The following RORA variants were observed in gnomAD, a reference collection of about 807,000 sequenced individuals.
RORA encodes RAR related orphan receptor A, also known as nuclear receptor ROR-alpha.
RORA carries 7 observed loss-of-function variants against 69.5 expected under a neutral mutation model. That is an observed-to-expected ratio of 0.10 (90% CI 0.06 to 0.19). The LOEUF (loss-of-function observed/expected upper bound fraction) is 0.19. Among genes scored for constraint, RORA ranks in the 10% least tolerant of loss-of-function variants. The probability of loss-of-function intolerance (pLI) is 1.00; values close to 1 mark genes in which losing one functional copy is unlikely to be tolerated. For synonymous variants in RORA, 261 were observed against 240.8 expected (o/e 1.08, Z -0.78); for missense variants, 457 against 663.0 (o/e 0.69, Z 3.41).
intron 1 of RORA, among the ~76,000 whole-genome samples, chr15:60,689,141 A>C (rs2070787075): frequency 6.6e-6 from 1 of 152,196 alleles, no homozygotes; most frequent in Admixed American, 6.5e-5. Context: ...CCTCAGTTTC[A>C]ATATCTGTAG....
chr15:60,728,383 A>G (rs1162904184), intron 1 of RORA, among the ~76,000 whole-genome samples: 1 of 152,164 alleles, frequency 6.6e-6, no homozygotes, highest in African/African-American at 2.4e-5. Flanking sequence ...ACAGGATAGG[A>G]ATTATATTGA....
chr15:61,182,765 C>T (rs750520637), intron 1 of RORA, among the ~76,000 whole-genome samples: 1 of 152,214 alleles, frequency 6.6e-6, no homozygotes, highest in Non-Finnish European at 1.5e-5. Context: ...AGAAATGGGA[C>T]AGCTCGATGG....
intron 2 of RORA, among the ~76,000 whole-genome samples, chr15:60,590,207 C>A (rs1032756126): frequency 2.6e-5 from 4 of 151,294 alleles, no homozygotes; most frequent in African/African-American, 7.3e-5. Flanking sequence ...CTCTTTCAGG[C>A]AGCTGAGTTT....
intron 2 of RORA, among the ~76,000 whole-genome samples, chr15:60,648,570 A>G (rs2070093463): frequency 6.6e-6 from 1 of 152,234 alleles, no homozygotes. Flanking sequence ...TAATCACAAC[A>G]CATGAGAGCA....
chr15:60,983,510 C>A (rs575170231), intron 1 of RORA, among the ~76,000 whole-genome samples: 1 of 152,244 alleles, frequency 6.6e-6, no homozygotes, highest in South Asian at 2.1e-4. Flanking sequence ...AGTCTGGCAC[C>A]TTTTAAGGTC....
At chr15:60,921,268 A>G (rs1198311238) in intron 1 of RORA, among the ~76,000 whole-genome samples, 1 of 152,188 alleles carries the variant, frequency 6.6e-6, no homozygotes, top group Non-Finnish European at 1.5e-5. Context: ...AAACCCCAAA[A>G]TGGAAATACC....
chr15:60,613,696 CTGTGTGTG>C (rs66616801), intron 2 of RORA, among the ~76,000 whole-genome samples: 1,770 of 125,326 alleles, frequency 0.014, 18 homozygotes, highest in Middle Eastern at 0.029. Context: ...AATTTGATAT[CTGTGTGTG>C]TGTGTGTGTG....
rs750731557 is a variant in RORA at position 61,104,994 on chromosome 15, CG to C, written c.166+124058del. Among the ~76,000 whole-genome samples the C allele has an allele frequency of 1.1e-3, 125 of 112,344 alleles. 2 individuals carry two copies. The highest frequency in any genetic ancestry group is 4.0e-3 in the South Asian group (13 of 3,290). The allele number at this position is 112,344 out of a possible 152,430, so 73.7% of individuals were successfully genotyped here. A position where few individuals can be genotyped will look rare whatever the true frequency, so the allele number is the denominator to read the frequency against. ...TTCGTTTTCTGCCATGATCATGAGG[CG>C]CCCCCCCCACCGCCCAGCCACGTGG... On this transcript the variant is annotated intron_variant, in intron 1 of 10. Transcript: ENST00000335670.
chr15:60,725,590 G>C (rs889211753), intron 1 of RORA, among the ~76,000 whole-genome samples: 2 of 152,142 alleles, frequency 1.3e-5, no homozygotes, highest in African/African-American at 4.8e-5. Context: ...TATAATCTTA[G>C]TTCTTTTAAA....
At chr15:60,694,402 C>T (rs2070872830) in intron 1 of RORA, among the ~76,000 whole-genome samples, 1 of 152,154 alleles carries the variant, frequency 6.6e-6, no homozygotes, top group East Asian at 1.9e-4. Flanking sequence ...TCAAGAGCTC[C>T]CTGTGGTCTC....
intron 2 of RORA, among the ~76,000 whole-genome samples, chr15:60,658,988 C>G (rs987445429): frequency 6.6e-6 from 1 of 152,180 alleles, no homozygotes; most frequent in African/African-American, 2.4e-5. Context: ...CCATCCCTGA[C>G]AGAAAGTCTG....
At chr15:60,656,509 T>C (rs1158439383) in intron 2 of RORA, among the ~76,000 whole-genome samples, 1 of 123,330 alleles carries the variant, frequency 8.1e-6, no homozygotes, top group Non-Finnish European at 1.8e-5. Context: ...CATTGAACCC[T>C]GAGATTCTTT....
chr15:60,756,955 C>A (rs1329173950), intron 1 of RORA, among the ~76,000 whole-genome samples: 3 of 152,046 alleles, frequency 2.0e-5, no homozygotes, highest in African/African-American at 4.8e-5. Flanking sequence ...TATTATAATC[C>A]ATGAATATTA....
At chr15:60,623,901 C>G (rs1028994454) in intron 2 of RORA, among the ~76,000 whole-genome samples, 1 of 152,124 alleles carries the variant, frequency 6.6e-6, no homozygotes, top group Non-Finnish European at 1.5e-5. Context: ...GTTATAGCTT[C>G]TCTGTGACTT....
At chr15:60,648,408 C>A (rs1596095635) in intron 2 of RORA, among the ~76,000 whole-genome samples, 1 of 152,318 alleles carries the variant, frequency 6.6e-6, no homozygotes, top group African/African-American at 2.4e-5. Context: ...GCCCGTAGAT[C>A]ATTTTCTTAG....
intron 1 of RORA, among the ~76,000 whole-genome samples, chr15:60,685,809 C>A (rs189689849): frequency 6.6e-6 from 1 of 152,102 alleles, no homozygotes; most frequent in Admixed American, 6.5e-5. Context: ...AGCAATGTTA[C>A]GACAATCAAA....
intron 1 of RORA, among the ~76,000 whole-genome samples, chr15:60,707,329 CTTTA>C (rs975125241): frequency 3.0e-5 from 4 of 134,882 alleles, no homozygotes; most frequent in African/African-American, 1.1e-4. Flanking sequence ...TCATCTATTT[CTTTA>C]TTTTATTTAT....
chr15:61,133,160 C>A (rs1424519504), intron 1 of RORA, among the ~76,000 whole-genome samples: 3 of 151,988 alleles, frequency 2.0e-5, no homozygotes, highest in Non-Finnish European at 4.4e-5. Context: ...AAAAAACTTG[C>A]CCTGTTTTTT....
chr15:61,088,437 CA>C (rs1673124898), intron 1 of RORA, among the ~76,000 whole-genome samples: 1 of 152,118 alleles, frequency 6.6e-6, no homozygotes, highest in African/African-American at 2.4e-5. Context: ...CCAGAATGCA[CA>C]TGTAGTTTGG....
Sources: allele counts gnomAD v4.1 joint callset (sites outside exome capture counted in the v4.1 genomes callset), GRCh38; gene constraint gnomAD v4.1.1; transcripts MANE v1.5; gene names NCBI Gene and HGNC (gene_info 2026-07-23, HGNC 2026-07-21).